Variants in CYLD observed in about 807,000 individuals in gnomAD.
The protein encoded by CYLD is ubiquitin carboxyl-terminal hydrolase CYLD.
In CYLD, 26 loss-of-function variants were observed where a neutral mutation model predicts 104.5. The observed-to-expected ratio is 0.25, with a 90% confidence interval of 0.18 to 0.35. The LOEUF is 0.35. Among genes scored for constraint, CYLD ranks in the 10% least tolerant of loss-of-function variants. CYLD has a pLI of 1.00. For synonymous variants in CYLD, 385 were observed against 399.9 expected, an observed-to-expected ratio of 0.96 and a Z score of 0.45; for missense variants, 703 against 1,136.1, an observed-to-expected ratio of 0.62 and a Z score of 5.48.
In CYLD at chr16:50,751,613, C is replaced by T. The variant is rs201836260; in HGVS notation, c.514C>T (p.Arg172Cys). 135 of 1,613,422 alleles carry T rather than the reference C, an allele frequency of 8.4e-5. 2 individuals are homozygous for T. In the South Asian group the frequency reaches 1.2e-3, roughly 14 times the overall value. ...FFGVELLEEGRGQGFTDGVYQ... is the reference protein window; with the variant it reads ...FFGVELLEEGCGQGFTDGVYQ... ...CTCTCTTAAAAACTAGGAAGAAGGT[C>T]GTGGTCAAGGTTTCACTGACGGGGT... Residue 172 changes from arginine to cysteine, a missense_variant, in exon 4 of 19, where the codon CGT (arginine) becomes TGT (cysteine). Arg to Cys is a radical substitution (Grantham distance 180). Around this residue, in one of 5 missense-constraint regions of CYLD, gnomAD observed 123 missense variants for 213.3 expected, o/e 0.58. Transcript: ENST00000427738.
chr16:50,754,278 T>C, intron 4 of CYLD, 41 bp from the exon 5 acceptor site: 1 of 1,293,944 alleles, frequency 7.7e-7, no homozygotes, highest in South Asian at 1.2e-5. Context: ...ACATTTACAT[T>C]TCATTGAGGA....
At chr16:50,752,503 T>G (rs2150906632) in intron 4 of CYLD, among the ~76,000 whole-genome samples, 1 of 152,332 alleles carries the variant, frequency 6.6e-6, no homozygotes, top group East Asian at 1.9e-4. Flanking sequence ...TTTAAAAACC[T>G]TTTTTAATTG....
chr16:50,759,284 A>G (rs1011353219), intron 5 of CYLD, among the ~76,000 whole-genome samples: 2 of 152,342 alleles, frequency 1.3e-5, no homozygotes, highest in Admixed American at 1.3e-4. Flanking sequence ...GCAAAAGTAT[A>G]TATAACAACA....
At position 50,751,639 on chromosome 16, in the gene CYLD, G is replaced by A. The variant is rs764917904; in HGVS notation, c.540G>A (p.Val180=). 1.2e-6 allele frequency: 2 copies of A among 1,613,616 alleles called. No individual in the cohort carries two copies. The highest frequency in any genetic ancestry group is 1.7e-6 in the Non-Finnish European group (2 of 1,179,756). ...EGRGQGFTDG[V]YQGKQLFQCD... ...GTGGTCAAGGTTTCACTGACGGGGT[G>A]TACCAAGGGAAACAGCTTTTTCAGT... The change falls in exon 4 of 19, where the codon GTG becomes GTA. Residue 180 remains valine (V), a synonymous_variant. Coordinates refer to ENST00000427738, the MANE Select transcript of CYLD (RefSeq NM_001378743.1).
At chr16:50,793,906 C>T in intron 17 of CYLD, among the ~76,000 whole-genome samples, 1 of 148,978 alleles carries the variant, frequency 6.7e-6, no homozygotes, top group Non-Finnish European at 1.5e-5. Flanking sequence ...CATTGAGTTT[C>T]TCTCATTAAT....
intron 5 of CYLD, among the ~76,000 whole-genome samples, chr16:50,755,487 T>G (rs1967118623): frequency 6.6e-6 from 1 of 152,156 alleles, no homozygotes; most frequent in Non-Finnish European, 1.5e-5. Context: ...AGTTTATATT[T>G]CCACCAACAG....
At chr16:50,772,532 T>C (rs547742100) in intron 5 of CYLD, among the ~76,000 whole-genome samples, 2 of 152,332 alleles carry the variant, frequency 1.3e-5, no homozygotes, top group African/African-American at 4.8e-5. Flanking sequence ...TACTTGGTCT[T>C]TTGTTTAAAT....
At chr16:50,780,137 A>C (rs371843225) in intron 9 of CYLD, 93 bp downstream of exon 9, 16 of 1,447,122 alleles carry the variant, frequency 1.1e-5, no homozygotes, top group African/African-American at 5.6e-5. Context: ...AAACTGTTAT[A>C]TTTGTCAGAA....
At position 50,777,880 on chromosome 16, in the gene CYLD, TG is replaced by T; in HGVS notation, c.1080del (p.Ser361LeufsTer47). ...GATCTGAATTATTTTATACCTTAAA[TG>T]GGTCTTCTGTTGACTCACAACCACA... is the stretch of plus-strand genomic sequence containing the variant. ...NRSELFYTLN[G>X]SSVDSQPQSK... On this transcript the variant is annotated frameshift_variant, in exon 8 of 19. Coordinates refer to ENST00000427738, the MANE Select transcript of CYLD (RefSeq NM_001378743.1). LOFTEE classifies it high-confidence loss of function. The T allele has an allele frequency of 6.2e-7, 1 of 1,609,638 alleles. No homozygotes were observed. The highest frequency in any genetic ancestry group is 8.5e-7 in the Non-Finnish European group (1 of 1,176,368).
Position 50,797,145 on chromosome 16 carries a change from A to T in CYLD, c.*637A>T, listed in dbSNP as rs1436852020. On this transcript the variant is annotated 3_prime_UTR_variant, in exon 19 of 19. Transcript: ENST00000427738. The stretch of plus-strand genomic sequence containing the variant: ...GTTCTGGTTTTGAGATAAATGAGTG[A>T]TTCTGTCCCCAAATGTCCATTTTTG... 4.3e-6 allele frequency: 1 copy of T among 233,408 alleles called. No homozygotes were observed. Among genetic ancestry groups the T allele is most frequent in the African/African-American group, 2.2e-5 (1 of 45,330 alleles). The allele number at this position is 233,408 out of a possible 1,614,324, so 14.5% of individuals were successfully genotyped here.
intron 5 of CYLD, 143 bp downstream of exon 5, chr16:50,754,567 G>A: frequency 1.5e-6 from 1 of 656,798 alleles, no homozygotes. Context: ...AGATTTTGGT[G>A]CACCCGTCAC....
intron 12 of CYLD, chr16:50,785,937 A>G (rs772556078): frequency 1.3e-5 from 2 of 152,258 alleles, no homozygotes; most frequent in Non-Finnish European, 2.9e-5. Flanking sequence ...AATGAATAGT[A>G]TAAAAAGTGG....
chr16:50,749,985 TCA>T lies in CYLD; in HGVS notation c.290_291del (p.Thr97ArgfsTer10). 6.2e-7 allele frequency: 1 copy of T among 1,614,126 alleles called. No individual in the cohort carries two copies. The highest frequency in any genetic ancestry group is 8.5e-7 in the Non-Finnish European group (1 of 1,179,966). ...GATGTTGTAGAGATAAATGAAAAGT[TCA>T]CAGAGTTACTTTTGGCAATTACCAA... On this transcript the variant is annotated frameshift_variant, in exon 3 of 19. Coordinates refer to ENST00000427738, the MANE Select transcript of CYLD (RefSeq NM_001378743.1). LOFTEE classifies it high-confidence loss of function.
At chr16:50,770,181 G>A (rs1375713774) in intron 5 of CYLD, among the ~76,000 whole-genome samples, 1 of 152,126 alleles carries the variant, frequency 6.6e-6, no homozygotes, top group Non-Finnish European at 1.5e-5. Flanking sequence ...TGCGTATTCG[G>A]TGATATTTGC....
chr16:50,795,468 C>T, intron 18 of CYLD: 1 of 692,356 alleles, frequency 1.4e-6, no homozygotes, highest in Non-Finnish European at 2.6e-6. Flanking sequence ...AAGGAGTTTG[C>T]AGGTTAAGAC....
At position 50,798,813 on chromosome 16, in the gene CYLD, A is replaced by T. The variant is rs559634329; in HGVS notation, c.*2305A>T. The T allele has an allele frequency of 9.4e-5, 22 of 233,474 alleles. No homozygotes were observed. The East Asian group carries it at 1.2e-3, about 13-fold the overall frequency. 14.5% of individuals were successfully genotyped at this position (233,474 alleles called of 1,614,324 possible). On this transcript the variant is annotated 3_prime_UTR_variant, in exon 19 of 19. Transcript: ENST00000427738. ...GCCTCATCCATAAATGATTTCTGGC[A>T]ACGTCTTCTTCAGGTGGAGCTTGAC...
At chr16:50,780,455 T>A (rs1970112777) in intron 9 of CYLD, among the ~76,000 whole-genome samples, 1 of 152,200 alleles carries the variant, frequency 6.6e-6, no homozygotes, top group African/African-American at 2.4e-5. Flanking sequence ...GGAAAGGTTT[T>A]CCCTTTAGAG....
At chr16:50,757,235 A>G (rs1967354649) in intron 5 of CYLD, among the ~76,000 whole-genome samples, 1 of 151,878 alleles carries the variant, frequency 6.6e-6, no homozygotes, top group African/African-American at 2.4e-5. Flanking sequence ...TGCTGAAGCA[A>G]GTAATCAATG....
At chr16:50,784,854 A>G in intron 12 of CYLD, 1 of 203,990 alleles carries the variant, frequency 4.9e-6, no homozygotes, top group Non-Finnish European at 1.0e-5. Flanking sequence ...CTGAAAGAAA[A>G]GGAGAAAGGG....
Sources: allele counts gnomAD v4.1 joint callset (sites outside exome capture counted in the v4.1 genomes callset), GRCh38; gene constraint gnomAD v4.1.1; regional missense constraint gnomAD v4.1.1; transcripts MANE v1.5; gene names NCBI Gene and HGNC (gene_info 2026-07-23, HGNC 2026-07-21).